Variants in TVP23A observed in about 807,000 individuals in gnomAD.
TVP23A encodes the protein Golgi apparatus membrane protein TVP23 homolog A.
A neutral mutation model predicts 31.7 loss-of-function variants in TVP23A; 21 were observed. That is an observed-to-expected ratio of 0.66 (90% CI 0.47 to 0.95). The LOEUF (loss-of-function observed/expected upper bound fraction) is 0.95. TVP23A is among the 40% of genes least tolerant of loss of function. The probability of loss-of-function intolerance (pLI) is 0.00; values close to 1 mark genes in which losing one functional copy is unlikely to be tolerated. For synonymous variants in TVP23A, 104 were observed against 96.0 expected, an observed-to-expected ratio of 1.08 and a Z score of -0.49; for missense variants, 279 against 255.6, an observed-to-expected ratio of 1.09 and a Z score of -0.62.
intron 2 of TVP23A, 162 bp from the exon 3 acceptor site, chr16:10,775,258 C>T (rs2031927159): frequency 6.3e-6 from 9 of 1,438,048 alleles, no homozygotes; most frequent in Non-Finnish European, 8.2e-6. Context: ...CCTGGGGACA[C>T]ATCATTAGGT....
At chr16:10,812,731 AC>A (rs2034259045) in intron 2 of TVP23A, among the ~76,000 whole-genome samples, 1 of 152,170 alleles carries the variant, frequency 6.6e-6, no homozygotes, top group Non-Finnish European at 1.5e-5. Context: ...AATGGTATTT[AC>A]CAGGGGCTGG....
intron 4 of TVP23A, 65 bp from the exon 5 acceptor site, chr16:10,773,506 A>G (rs2031778184): frequency 4.0e-6 from 6 of 1,494,034 alleles, no homozygotes; most frequent in South Asian, 3.9e-5. Context: ...GCGTGCTCAC[A>G]TTTTCATTTA....
intron 2 of TVP23A, among the ~76,000 whole-genome samples, chr16:10,799,374 C>A (rs2033578634): frequency 6.6e-6 from 1 of 152,076 alleles, no homozygotes; most frequent in African/African-American, 2.4e-5. Flanking sequence ...CACTCTGTTG[C>A]CCAGGCTGGA....
downstream of TVP23A, chr16:10,757,738 G>C: frequency 9.8e-7 from 1 of 1,025,054 alleles, no homozygotes; most frequent in South Asian, 1.5e-5. The surrounding 1 kb of genome is among the most constrained non-coding windows in gnomAD (Gnocchi z 4.1). Context: ...TGAGGTGGGA[G>C]GATTGCTTGA....
Position 10,777,879 on chromosome 16 carries a change from T to A in TVP23A, c.90-2783A>T, listed in dbSNP as rs974307335. ...TACAAAAATTAGCTGAGCGTGGTGG[T>A]GGGCGCCTGTAGTCCCAGCTACTCG... On this transcript the variant is annotated intron_variant, in intron 2 of 7. Coordinates refer to ENST00000299866, the MANE Select transcript of TVP23A (RefSeq NM_001079512.4). The surrounding 1 kb of genome is among the most constrained non-coding windows in gnomAD (Gnocchi z 4.5). Among the ~76,000 whole-genome samples, 4 of 151,676 alleles carry A rather than the reference T, an allele frequency of 2.6e-5. No individual in the cohort carries two copies. Among genetic ancestry groups the A allele is most frequent in the Admixed American group, 2.6e-4 (4 of 15,236 alleles).
At chr16:10,778,238 G>A (rs2032195376) in intron 2 of TVP23A, among the ~76,000 whole-genome samples, 1 of 152,150 alleles carries the variant, frequency 6.6e-6, no homozygotes. Flanking sequence ...GGAGGCTGAG[G>A]CAGGAGAATC....
At chr16:10,804,146 G>A (rs1241743178) in intron 2 of TVP23A, among the ~76,000 whole-genome samples, 4 of 152,200 alleles carry the variant, frequency 2.6e-5, no homozygotes, top group Admixed American at 6.5e-5. Flanking sequence ...CAGCCTGACC[G>A]TGGGGCTGGC....
intron 2 of TVP23A, among the ~76,000 whole-genome samples, chr16:10,807,714 C>T (rs559122238): frequency 3.3e-5 from 5 of 152,292 alleles, no homozygotes; most frequent in African/African-American, 9.6e-5. Flanking sequence ...TCAGCATTTA[C>T]AGGAGGAACA....
chr16:10,759,107 G>A (rs975796578), downstream of TVP23A, among the ~76,000 whole-genome samples: 1 of 152,182 alleles, frequency 6.6e-6, no homozygotes, highest in Non-Finnish European at 1.5e-5. The surrounding 1 kb of genome is among the most constrained non-coding windows in gnomAD (Gnocchi z 4.7). Context: ...AATCAGTCAG[G>A]ACGACCCATA....
At position 10,818,631 on chromosome 16, in the gene TVP23A, G is replaced by A. The variant is rs1050041186; in HGVS notation, c.-138C>T. On this transcript the variant is annotated 5_prime_UTR_variant, in exon 1 of 8. Coordinates refer to ENST00000299866, the MANE Select transcript of TVP23A (RefSeq NM_001079512.4). The surrounding 1 kb of genome is among the most constrained non-coding windows in gnomAD (Gnocchi z 4.7). Reference sequence around the variant, plus strand: ...GAGGGTCGGGGCCTGCGCCCTGTGGGGCAGCCTCAGCGCAGCTTCTCGGGT... The same window carrying A: ...GAGGGTCGGGGCCTGCGCCCTGTGGAGCAGCCTCAGCGCAGCTTCTCGGGT... 9.0e-7 allele frequency: 1 copy of A among 1,116,360 alleles called. No individual in the cohort carries two copies. The highest frequency in any genetic ancestry group is 1.2e-6 in the Non-Finnish European group (1 of 824,484). The allele number at this position is 1,116,360 out of a possible 1,614,324, so 69.2% of individuals were successfully genotyped here. A position where few individuals can be genotyped will look rare whatever the true frequency, so the allele number is the denominator to read the frequency against.
At chr16:10,785,653 G>C (rs963012959) in intron 2 of TVP23A, among the ~76,000 whole-genome samples, 4 of 152,222 alleles carry the variant, frequency 2.6e-5, no homozygotes, top group African/African-American at 9.7e-5. Context: ...TCAGAGCACA[G>C]CTTGGTTTTG....
exon 9 of TVP23A, chr16:10,761,506 G>T (rs1040345593): frequency 3.2e-6 from 5 of 1,562,558 alleles, no homozygotes; most frequent in Admixed American, 1.7e-5. Flanking sequence ...AGGCGAGCAA[G>T]ATCTTGCTCT....
chr16:10,769,082 G>A lies in TVP23A; in HGVS notation c.*20C>T. ...GTTTTGTAATCTCCATCAGTCAAAA[G>A]AAGAGAACCTCATCAGTTCCTGAAA... On this transcript the variant is annotated 3_prime_UTR_variant, in exon 8 of 8. Coordinates refer to ENST00000299866, the MANE Select transcript of TVP23A (RefSeq NM_001079512.4). 1 of 1,614,052 alleles carries A rather than the reference G, an allele frequency of 6.2e-7. No homozygotes were observed. The highest frequency in any genetic ancestry group is 8.5e-7 in the Non-Finnish European group (1 of 1,180,002).
intron 2 of TVP23A, 53 bp from the exon 3 acceptor site, chr16:10,775,149 C>A: frequency 2.6e-6 from 4 of 1,563,046 alleles, no homozygotes; most frequent in Non-Finnish European, 2.6e-6. Flanking sequence ...CGGATGGTCA[C>A]TGAACTCCCT....
chr16:10,806,839 A>G lies in TVP23A; in HGVS notation c.89+11264T>C, dbSNP rs528906969. Among the ~76,000 whole-genome samples the G allele has an allele frequency of 5.9e-4, 90 of 152,326 alleles. 1 individual carries two copies. The highest frequency in any genetic ancestry group is 1.7e-3 in the African/African-American group (69 of 41,562). On this transcript the variant is annotated intron_variant, in intron 2 of 7. Coordinates refer to ENST00000299866, the MANE Select transcript of TVP23A (RefSeq NM_001079512.4). ...TGTTGTGGACACAGCTTATGCAATA[A>G]TTTCATGTGAACAAGAAATATAAAT...
Position 10,771,653 on chromosome 16 carries a change from A to T in TVP23A, c.582+17T>A. ...CCTGGAGAGGAGTGGTCCAAGAGTCAGACCTCAGTTACTCACCGTCTGGAA... is the reference window on the plus strand; with the variant it reads ...CCTGGAGAGGAGTGGTCCAAGAGTCTGACCTCAGTTACTCACCGTCTGGAA... On this transcript the variant is annotated intron_variant, in intron 6 of 7. Coordinates refer to ENST00000299866, the MANE Select transcript of TVP23A (RefSeq NM_001079512.4). The T allele has an allele frequency of 1.2e-6, 2 of 1,613,716 alleles. No individual in the cohort carries two copies. The highest frequency in any genetic ancestry group is 1.7e-6 in the Non-Finnish European group (2 of 1,179,726).
chr16:10,802,472 G>A (rs2033748625), intron 2 of TVP23A, among the ~76,000 whole-genome samples: 3 of 151,982 alleles, frequency 2.0e-5, no homozygotes, highest in Admixed American at 1.3e-4. Flanking sequence ...TAGAGACGGG[G>A]TTTTGCCATG....
chr16:10,761,352 T>C, exon 9 of TVP23A: 2 of 1,612,684 alleles, frequency 1.2e-6, no homozygotes, highest in African/African-American at 1.3e-5. Flanking sequence ...ACTGGTCTTT[T>C]CACCTTCGTA....
At chr16:10,788,436 G>A (rs1237636978) in intron 2 of TVP23A, among the ~76,000 whole-genome samples, 3 of 151,886 alleles carry the variant, frequency 2.0e-5, no homozygotes, top group Non-Finnish European at 4.4e-5. Flanking sequence ...CACCACACCC[G>A]GCTAATTGTT....
Sources: allele counts gnomAD v4.1 joint callset (sites outside exome capture counted in the v4.1 genomes callset), GRCh38; gene constraint gnomAD v4.1.1; non-coding constraint Gnocchi (gnomAD v3.1); transcripts MANE v1.5; gene names NCBI Gene and HGNC (gene_info 2026-07-23, HGNC 2026-07-21).